The following NAALADL2 variants were observed in gnomAD, a reference collection of about 807,000 sequenced individuals.
NAALADL2 encodes inactive N-acetylated-alpha-linked acidic dipeptidase-like protein 2.
NAALADL2 carries 76 observed loss-of-function variants against 87.2 expected under a neutral mutation model. The ratio of observed to expected loss-of-function variants is 0.87; its 90% CI spans 0.72 to 1.05. The LOEUF (loss-of-function observed/expected upper bound fraction) is 1.05, where lower values mean the gene tolerates loss of function less well. NAALADL2 is among the 50% of genes least tolerant of loss of function. NAALADL2 has a pLI of 0.00. For missense variants in NAALADL2, 1,089 were observed against 945.8 expected (o/e 1.15, Z -1.99); for synonymous variants, 354 against 331.0 (o/e 1.07, Z -0.75).
chr3:175,119,294 A>T lies in NAALADL2; in HGVS notation c.545+22003A>T, dbSNP rs193080525. Among the ~76,000 whole-genome samples the T allele has an allele frequency of 3.3e-3, 504 of 151,876 alleles. 6 individuals carry two copies. Among genetic ancestry groups the T allele is most frequent in the African/African-American group, 0.012 (487 of 41,506 alleles). On this transcript the variant is annotated intron_variant, in intron 2 of 13. Coordinates refer to ENST00000454872, the MANE Select transcript of NAALADL2 (RefSeq NM_207015.3). ...ACATCTAACTAGAAACTAATAAAAAAGCTTTAATGAACAGGGGTGAATTTA... is the reference window on the plus strand; with the variant it reads ...ACATCTAACTAGAAACTAATAAAAATGCTTTAATGAACAGGGGTGAATTTA...
chr3:175,798,597 C>T (rs1753779773), intron 13 of NAALADL2, among the ~76,000 whole-genome samples: 1 of 152,078 alleles, frequency 6.6e-6, no homozygotes, highest in Non-Finnish European at 1.5e-5. Context: ...TGTTGGCATA[C>T]TCCCCATTCC....
rs145219498 is a variant in NAALADL2, at chr3:174,509,568, A to ATTTTT, written c.-183-40974_-183-40970dup. On this transcript the variant is annotated intron_variant, in intron 1 of 3. Coordinates refer to the NAALADL2 transcript ENST00000434257. ...AGGCTCCCGCCACCACACCCAGCTA[A>ATTTTT]TTTTTTTTTTTTTTTTTTTTTTTTT... is the stretch of plus-strand genomic sequence containing the variant. Among the ~76,000 whole-genome samples the ATTTTT allele has an allele frequency of 1.3e-3, 103 of 80,116 alleles. 1 individual carries two copies. The highest frequency in any genetic ancestry group is 1.9e-3 in the Admixed American group (10 of 5,326). 52.6% of individuals were successfully genotyped at this position (80,116 alleles called of 152,430 possible).
chr3:175,008,361 G>T (rs1749319363), intron 1 of NAALADL2, among the ~76,000 whole-genome samples: 1 of 152,110 alleles, frequency 6.6e-6, no homozygotes, highest in African/African-American at 2.4e-5. Context: ...AGCCTGGGTG[G>T]CCGAGTGAGA....
chr3:175,589,605 T>A (rs1721071187), intron 10 of NAALADL2, among the ~76,000 whole-genome samples: 1 of 152,056 alleles, frequency 6.6e-6, no homozygotes, highest in African/African-American at 2.4e-5. Context: ...CATTACATAG[T>A]TGCATCATAA....
chr3:175,193,784 GT>G (rs937166950), intron 2 of NAALADL2, among the ~76,000 whole-genome samples: 6 of 151,528 alleles, frequency 4.0e-5, no homozygotes, highest in African/African-American at 1.5e-4. Flanking sequence ...TAGAACAGGT[GT>G]TTTTTTGGCT....
At chr3:175,499,868 C>T (rs569923516) in intron 9 of NAALADL2, among the ~76,000 whole-genome samples, 1 of 152,064 alleles carries the variant, frequency 6.6e-6, no homozygotes, top group Admixed American at 6.6e-5. Flanking sequence ...ATAGATAAAA[C>T]CAAGCTTGCA....
chr3:174,721,863 G>GC lies in NAALADL2; in HGVS notation c.-114-15776dup, dbSNP rs554729105. ...ACTCAGGAGATCCACTGCTTTTACA[G>GC]CCATCAGTAAGCAAGACTGATTTTT... On this transcript the variant is annotated intron_variant, in intron 2 of 3. Coordinates refer to the NAALADL2 transcript ENST00000434257. Among the ~76,000 whole-genome samples the GC allele has an allele frequency of 3.5e-4, 54 of 152,290 alleles. No individual in the cohort carries two copies. In the East Asian group the frequency reaches 9.1e-3, roughly 26 times the overall value.
At chr3:175,427,940 C>T (rs1284348988) in intron 5 of NAALADL2, among the ~76,000 whole-genome samples, 1 of 152,040 alleles carries the variant, frequency 6.6e-6, no homozygotes, top group Non-Finnish European at 1.5e-5. Flanking sequence ...GTTTCTTTTG[C>T]ATATTAACTG....
rs1309042870 is a variant in NAALADL2, at chr3:174,711,737, A to ATGAGG, written c.-114-25902_-114-25898dup. Among the ~76,000 whole-genome samples the ATGAGG allele has an allele frequency of 3.3e-5, 5 of 152,282 alleles. No individual in the cohort carries two copies. In the East Asian group the frequency reaches 9.7e-4, roughly 29 times the overall value. Reference sequence around the variant, plus strand: ...TTGGATTCTCAGGCTAATATTCTGCATGAGGTTTCTGTATCTCTGTATTTT... The same window carrying ATGAGG: ...TTGGATTCTCAGGCTAATATTCTGCATGAGGTGAGGTTTCTGTATCTCTGTATTTT... On this transcript the variant is annotated intron_variant, in intron 2 of 3. Transcript: ENST00000434257.
chr3:174,477,456 A>C (rs571442727), intron 1 of NAALADL2, among the ~76,000 whole-genome samples: 6 of 152,256 alleles, frequency 3.9e-5, no homozygotes, highest in African/African-American at 1.4e-4. Flanking sequence ...AGTCACTTTA[A>C]ACAGCCACTT....
chr3:174,537,397 A>G (rs911990805), intron 1 of NAALADL2, among the ~76,000 whole-genome samples: 4 of 152,210 alleles, frequency 2.6e-5, no homozygotes, highest in Non-Finnish European at 5.9e-5. Flanking sequence ...TTGAAAGATC[A>G]TGGAATGGAC....
Position 174,559,506 on chromosome 3 carries a change from G to GGA in NAALADL2, c.-115+8871_-115+8872dup, listed in dbSNP as rs200608071. Among the ~76,000 whole-genome samples, 1,466 of 152,304 alleles carry GGA rather than the reference G, an allele frequency of 9.6e-3. 19 individuals carry two copies. The highest frequency in any genetic ancestry group is 0.033 in the African/African-American group (1,386 of 41,562). On this transcript the variant is annotated intron_variant, in intron 2 of 3. Transcript: ENST00000434257. Reference sequence around the variant, plus strand: ...AGCATGGCAGATTATCGTGCAAGATGGAGTTGCTTTAGCCTCCACGCTGTG... The same window carrying GGA: ...AGCATGGCAGATTATCGTGCAAGATGGAGAGTTGCTTTAGCCTCCACGCTGTG...
chr3:174,688,558 T>C lies in NAALADL2; in HGVS notation c.-114-49083T>C, dbSNP rs113904461. 3.6e-3 allele frequency among the ~76,000 whole-genome samples: 550 copies of C among 152,212 alleles called. 4 individuals carry two copies. The highest frequency in any genetic ancestry group is 0.013 in the African/African-American group (528 of 41,578). On this transcript the variant is annotated intron_variant, in intron 2 of 3. Transcript: ENST00000434257. ...TCTGGCATATAGAAAGCAGTATCTT[T>C]CTATTGGCTGTTATTATTCTTCTCA...
rs13092633 is a variant in NAALADL2, at chr3:175,143,221, T to C, written c.545+45930T>C. Among the ~76,000 whole-genome samples the C allele has an allele frequency of 7.7e-3, 1,170 of 152,034 alleles. 4 individuals carry two copies. The highest frequency in any genetic ancestry group is 0.025 in the South Asian group (121 of 4,826). On this transcript the variant is annotated intron_variant, in intron 2 of 13. Transcript: ENST00000454872. ...ACACACTCATATGCATAGTATCTAATAGTGTCCATCTTGCAGTTCGTTCGC... is the reference window on the plus strand; with the variant it reads ...ACACACTCATATGCATAGTATCTAACAGTGTCCATCTTGCAGTTCGTTCGC...
At chr3:174,961,924 C>T (rs532670103) in intron 1 of NAALADL2, among the ~76,000 whole-genome samples, 1 of 151,896 alleles carries the variant, frequency 6.6e-6, no homozygotes, top group Non-Finnish European at 1.5e-5. Flanking sequence ...AATCCTGGGA[C>T]CTTTGTCTAC....
At chr3:175,083,361 G>A (rs763878100) in intron 1 of NAALADL2, among the ~76,000 whole-genome samples, 13 of 152,140 alleles carry the variant, frequency 8.5e-5, no homozygotes, top group Non-Finnish European at 1.9e-4. Flanking sequence ...TGGGGTGTCT[G>A]GGCGTGTGCA....
chr3:175,218,874 C>T lies in NAALADL2; in HGVS notation c.546-15057C>T, dbSNP rs192755068. 2.7e-3 allele frequency among the ~76,000 whole-genome samples: 409 copies of T among 151,946 alleles called. 7 individuals are homozygous for T. Among genetic ancestry groups the T allele is most frequent in the Middle Eastern group, 0.01 (3 of 294 alleles). On this transcript the variant is annotated intron_variant, in intron 2 of 13. Transcript: ENST00000454872. ...AGGCTGGAGTGCAATCGCGCAATCT[C>T]AGCCCACTGCAACCTCTGCCTCCTG... is the stretch of plus-strand genomic sequence containing the variant.
intron 11 of NAALADL2, among the ~76,000 whole-genome samples, chr3:175,696,228 A>C (rs1347985170): frequency 1.3e-5 from 2 of 152,162 alleles, no homozygotes; most frequent in African/African-American, 4.8e-5. Context: ...ATTCTGCTTG[A>C]TGCTATGAAA....
chr3:174,575,473 C>A (rs975988223), intron 2 of NAALADL2, among the ~76,000 whole-genome samples: 4 of 152,052 alleles, frequency 2.6e-5, no homozygotes, highest in Non-Finnish European at 5.9e-5. Flanking sequence ...CCTAAAAATT[C>A]TTAGGTTATC....
Sources: allele counts gnomAD v4.1 joint callset (sites outside exome capture counted in the v4.1 genomes callset), GRCh38; gene constraint gnomAD v4.1.1; transcripts MANE v1.5; gene names NCBI Gene and HGNC (gene_info 2026-07-23, HGNC 2026-07-21).